MGAT4C: variants seen among roughly 807,000 people sequenced by gnomAD.
MGAT4C encodes alpha-1,3-mannosyl-glycoprotein 4-beta-N-acetylglucosaminyltransferase C.
MGAT4C carries 19 observed loss-of-function variants against 40.1 expected under a neutral mutation model. The observed-to-expected ratio is 0.47, with a 90% confidence interval of 0.33 to 0.70. The LOEUF (loss-of-function observed/expected upper bound fraction) is 0.70, where lower values mean the gene tolerates loss of function less well. Among genes scored for constraint, MGAT4C ranks in the 30% least tolerant of loss-of-function variants. The probability of loss-of-function intolerance (pLI) is 0.02; values close to 1 mark genes in which losing one functional copy is unlikely to be tolerated. For missense variants in MGAT4C, 491 were observed against 563.2 expected, an observed-to-expected ratio of 0.87 and a Z score of 1.30; for synonymous variants, 181 against 187.1, an observed-to-expected ratio of 0.97 and a Z score of 0.27.
At chr12:86,581,985 C>CTGGGATAT (rs1486980816) in intron 2 of MGAT4C, among the ~76,000 whole-genome samples, 27 of 151,496 alleles carry the variant, frequency 1.8e-4, no homozygotes, top group African/African-American at 6.5e-4. Flanking sequence ...TATAGATTTT[C>CTGGGATAT]TGGGATATTC....
At chr12:86,012,990 G>A (rs867268314) in intron 2 of MGAT4C, among the ~76,000 whole-genome samples, 8 of 152,032 alleles carry the variant, frequency 5.3e-5, no homozygotes, top group African/African-American at 1.7e-4. Context: ...AATTAGCCAC[G>A]GTGGCACATG....
chr12:86,293,967 A>G (rs1214008496), intron 4 of MGAT4C, among the ~76,000 whole-genome samples: 1 of 152,082 alleles, frequency 6.6e-6, no homozygotes, highest in Admixed American at 6.6e-5. Flanking sequence ...ATAAATCACA[A>G]TTGTCTCACT....
chr12:86,149,386 A>T (rs839188), intron 1 of MGAT4C, among the ~76,000 whole-genome samples: 121,757 of 152,094 alleles, frequency 0.8, 49,310 homozygotes, highest in East Asian at 1. Context: ...AATAGAAAAA[A>T]TATGTACTTC....
chr12:86,568,435 T>G (rs568861897), intron 2 of MGAT4C, among the ~76,000 whole-genome samples: 40 of 151,994 alleles, frequency 2.6e-4, no homozygotes, highest in African/African-American at 9.4e-4. Context: ...GATTCCCTAC[T>G]TTTGAGGTTT....
intron 1 of MGAT4C, among the ~76,000 whole-genome samples, chr12:86,067,519 G>C (rs761857861): frequency 6.6e-6 from 1 of 151,328 alleles, no homozygotes; most frequent in African/African-American, 2.4e-5. Flanking sequence ...AGAACACATG[G>C]ACATAGGGAG....
At chr12:86,136,014 C>G (rs1290149210) in intron 1 of MGAT4C, among the ~76,000 whole-genome samples, 1 of 152,088 alleles carries the variant, frequency 6.6e-6, no homozygotes, top group African/African-American at 2.4e-5. Flanking sequence ...TTCTTCAGAA[C>G]AACTCAAGAA....
intron 2 of MGAT4C, among the ~76,000 whole-genome samples, chr12:86,580,953 C>T (rs1960756678): frequency 6.6e-6 from 1 of 151,456 alleles, no homozygotes; most frequent in Admixed American, 6.6e-5. Context: ...AATAAGCACA[C>T]ACAAATTCAG....
chr12:86,032,874 C>A (rs1004889896), intron 2 of MGAT4C, among the ~76,000 whole-genome samples: 3 of 149,660 alleles, frequency 2.0e-5, no homozygotes, highest in African/African-American at 7.3e-5. Context: ...CCTAGGTTAT[C>A]TTCTATAGTT....
intron 2 of MGAT4C, among the ~76,000 whole-genome samples, chr12:86,497,012 T>C (rs150657159): frequency 2.1e-4 from 32 of 152,130 alleles, no homozygotes; most frequent in African/African-American, 7.0e-4. Context: ...CAGTTTCAAA[T>C]TAAAGGTAAA....
chr12:86,774,343 C>CTTTCTTTT (rs1565981678), intron 1 of MGAT4C, among the ~76,000 whole-genome samples: 3 of 54,556 alleles, frequency 5.5e-5, no homozygotes, highest in South Asian at 8.7e-4. Context: ...TTCTTTCTGT[C>CTTTCTTTT]TCTCTCTCTC....
At chr12:86,356,776 A>AG (rs71076190) in intron 3 of MGAT4C, among the ~76,000 whole-genome samples, 99,389 of 151,884 alleles carry the variant, frequency 0.65, 33,275 homozygotes, top group South Asian at 0.77. Flanking sequence ...GCTGGGGGAG[A>AG]GGGGTTGGCC....
intron 1 of MGAT4C, among the ~76,000 whole-genome samples, chr12:86,202,981 C>T (rs1950103104): frequency 6.6e-6 from 1 of 150,920 alleles, no homozygotes; most frequent in Non-Finnish European, 1.5e-5. Context: ...TTTTTACTGA[C>T]TGCTTTTGCT....
rs184561097 is a variant in MGAT4C at position 86,420,375 on chromosome 12, C to A, written c.-120+14782G>T. On this transcript the variant is annotated intron_variant, in intron 3 of 7. Transcript: ENST00000548651. ...GCAGTCTGGACTACAAAGCAAGATCCTGTCTCAAAAAGAAAATTAAAAAAA... is the reference window on the plus strand; with the variant it reads ...GCAGTCTGGACTACAAAGCAAGATCATGTCTCAAAAAGAAAATTAAAAAAA... Among the ~76,000 whole-genome samples, 118 of 152,044 alleles carry A rather than the reference C, an allele frequency of 7.8e-4. 1 individual carries two copies. The highest frequency in any genetic ancestry group is 1.6e-3 in the Non-Finnish European group (106 of 67,962).
chr12:86,602,461 T>G (rs1163294689), intron 2 of MGAT4C, among the ~76,000 whole-genome samples: 1 of 152,200 alleles, frequency 6.6e-6, no homozygotes. Context: ...AAGAGCACAA[T>G]GTCATCCTTC....
At chr12:86,484,775 C>T (rs1957990211) in intron 2 of MGAT4C, among the ~76,000 whole-genome samples, 1 of 152,154 alleles carries the variant, frequency 6.6e-6, no homozygotes, top group African/African-American at 2.4e-5. Context: ...GAACACCTGC[C>T]AAAGGAAATG....
At chr12:86,801,193 G>T (rs1029240795) in intron 1 of MGAT4C, among the ~76,000 whole-genome samples, 1 of 151,880 alleles carries the variant, frequency 6.6e-6, no homozygotes, top group Non-Finnish European at 1.5e-5. Context: ...AAAGGCAATG[G>T]AAAGAACAGA....
chr12:86,770,649 G>A (rs1233362484), intron 1 of MGAT4C, among the ~76,000 whole-genome samples: 1 of 151,980 alleles, frequency 6.6e-6, no homozygotes, highest in Non-Finnish European at 1.5e-5. Context: ...GATGATTCAG[G>A]AATATATGTT....
chr12:86,552,567 ATAGT>A (rs1195120579), intron 2 of MGAT4C, among the ~76,000 whole-genome samples: 8 of 152,164 alleles, frequency 5.3e-5, no homozygotes, highest in African/African-American at 1.4e-4. Context: ...TTTGAGATGA[ATAGT>A]TATTCTAATT....
At position 86,110,652 on chromosome 12, in the gene MGAT4C, C is replaced by T. The variant is rs571940226; in HGVS notation, c.-56-60929G>A. ...GTCGATTTCTTCAGTTGTAATAAAA[C>T]GTTTCTCTAAAAAGTATGTATTTGT... On this transcript the variant is annotated intron_variant, in intron 1 of 4. Transcript: ENST00000611864. 2.6e-5 allele frequency among the ~76,000 whole-genome samples: 4 copies of T among 151,224 alleles called. No homozygotes were observed. The East Asian group carries it at 7.8e-4, about 30-fold the overall frequency.
Sources: gnomAD v4.1 joint callset for allele counts (sites outside exome capture counted in the v4.1 genomes callset) on GRCh38, gnomAD v4.1.1 for gene constraint, MANE v1.5 for transcripts, NCBI Gene and HGNC (gene_info 2026-07-23, HGNC 2026-07-21) for gene names.